The following ADGRL2 variants were observed in gnomAD, a reference collection of about 807,000 sequenced individuals.
ADGRL2 encodes the protein adhesion G protein-coupled receptor L2.
A neutral mutation model predicts 157.4 loss-of-function variants in ADGRL2; 44 were observed. That is an observed-to-expected ratio of 0.28 (90% CI 0.22 to 0.36). ADGRL2 has a LOEUF of 0.36. ADGRL2 is among the 10% of genes least tolerant of loss of function. The pLI, the probability that ADGRL2 is intolerant of heterozygous loss-of-function variation, is 1.00. For synonymous variants in ADGRL2, 585 were observed against 624.7 expected (o/e 0.94, Z 0.95); for missense variants, 1,510 against 1,768.9 (o/e 0.85, Z 2.63).
At chr1:81,379,287 G>A (rs1036167062) in intron 1 of ADGRL2, among the ~76,000 whole-genome samples, 1 of 152,168 alleles carries the variant, frequency 6.6e-6, no homozygotes, top group African/African-American at 2.4e-5. Context: ...GTGGGGCTCC[G>A]ACCCCATGGC....
chr1:81,989,622 T>G, intron 23 of ADGRL2: 1 of 1,595,098 alleles, frequency 6.3e-7, no homozygotes, highest in Non-Finnish European at 8.6e-7. Context: ...TTCATCATGT[T>G]ACAATAAATC....
chr1:81,864,164 T>A (rs2093466631), intron 2 of ADGRL2, among the ~76,000 whole-genome samples: 2 of 152,214 alleles, frequency 1.3e-5, no homozygotes, highest in Admixed American at 6.5e-5. Context: ...CAGTCATAAC[T>A]GTTCTAGTAA....
At chr1:81,482,570 A>G (rs556393319) in intron 2 of ADGRL2, among the ~76,000 whole-genome samples, 2 of 152,328 alleles carry the variant, frequency 1.3e-5, no homozygotes, top group Admixed American at 1.3e-4. Flanking sequence ...ATATCTTGTA[A>G]GAACTCACTG....
At chr1:81,352,031 C>T (rs1662933284) in intron 1 of ADGRL2, among the ~76,000 whole-genome samples, 1 of 152,234 alleles carries the variant, frequency 6.6e-6, no homozygotes. Flanking sequence ...AAGGTTTGTA[C>T]TGCTTCTAAC....
chr1:81,698,548 G>A (rs924347811), upstream of ADGRL2, among the ~76,000 whole-genome samples: 3 of 152,040 alleles, frequency 2.0e-5, no homozygotes, highest in South Asian at 2.1e-4. Context: ...TTTTTGCTTG[G>A]GTAAGATATT....
At chr1:81,793,257 A>C (rs2087434219) in intron 2 of ADGRL2, among the ~76,000 whole-genome samples, 1 of 148,916 alleles carries the variant, frequency 6.7e-6, no homozygotes, top group African/African-American at 2.6e-5. Flanking sequence ...CATCCAAGAA[A>C]CATGCTCTAA....
Position 81,586,384 on chromosome 1 carries a change from G to GA in ADGRL2, c.-143+5414dup, listed in dbSNP as rs927841342. The GA allele has an allele frequency of 3.6e-3, 525 of 147,864 alleles. 3 individuals are homozygous for GA. Among genetic ancestry groups the GA allele is most frequent in the African/African-American group, 0.011 (426 of 40,418 alleles). 9.2% of individuals were successfully genotyped at this position (147,864 alleles called of 1,614,324 possible). ...GCTGAGGCTGAGAATGTGGCTGGAG[G>GA]AAAAAAAAAATGAATATTATTAGGC... is the stretch of plus-strand genomic sequence containing the variant. On this transcript the variant is annotated intron_variant, in intron 3 of 24. Coordinates refer to the ADGRL2 transcript ENST00000370721.
intron 1 of ADGRL2, among the ~76,000 whole-genome samples, chr1:81,818,052 T>C (rs2090595538): frequency 6.6e-6 from 1 of 151,960 alleles, no homozygotes; most frequent in Non-Finnish European, 1.5e-5. Context: ...TGCGTGCCTG[T>C]AGCCCCAGCC....
intron 3 of ADGRL2, among the ~76,000 whole-genome samples, chr1:81,617,383 C>T (rs951704196): frequency 6.6e-6 from 1 of 152,196 alleles, no homozygotes; most frequent in African/African-American, 2.4e-5. Flanking sequence ...TCCATGAAGC[C>T]AGTCCCTGGT....
At chr1:81,809,950 A>G (rs996354841) in intron 1 of ADGRL2, among the ~76,000 whole-genome samples, 1 of 151,818 alleles carries the variant, frequency 6.6e-6, no homozygotes, top group Non-Finnish European at 1.5e-5. Flanking sequence ...TTTTATAGGT[A>G]TTTTTACATC....
intron 2 of ADGRL2, among the ~76,000 whole-genome samples, chr1:81,489,401 G>T (rs2078582257): frequency 6.6e-6 from 1 of 152,036 alleles, no homozygotes; most frequent in Admixed American, 6.5e-5. Context: ...CAGGACAATG[G>T]AAATTATTGA....
chr1:81,812,997 A>G (rs567722301), intron 1 of ADGRL2, among the ~76,000 whole-genome samples: 1 of 151,884 alleles, frequency 6.6e-6, no homozygotes, highest in South Asian at 2.1e-4. Flanking sequence ...TTAGGGAAGT[A>G]CTTGAGAGTT....
At chr1:81,735,859 T>TAAAC (rs2084880299) in intron 1 of ADGRL2, among the ~76,000 whole-genome samples, 1 of 149,394 alleles carries the variant, frequency 6.7e-6, no homozygotes. Context: ...AGAGTCAAAC[T>TAAAC]GACGGCTGGG....
chr1:81,884,178 G>A (rs1401290964), intron 2 of ADGRL2, among the ~76,000 whole-genome samples: 2 of 152,086 alleles, frequency 1.3e-5, no homozygotes, highest in African/African-American at 4.8e-5. Flanking sequence ...TAGAGACGGG[G>A]TTTTGCCACA....
At chr1:81,587,937 G>A (rs1258661172) in intron 3 of ADGRL2, among the ~76,000 whole-genome samples, 1 of 152,132 alleles carries the variant, frequency 6.6e-6, no homozygotes, top group Admixed American at 6.6e-5. Flanking sequence ...AGTGATATGG[G>A]TAGAAAAAAC....
chr1:81,929,293 T>G (rs1167645886), intron 3 of ADGRL2, among the ~76,000 whole-genome samples: 1 of 152,148 alleles, frequency 6.6e-6, no homozygotes, highest in Non-Finnish European at 1.5e-5. Flanking sequence ...AGTGCAAGTT[T>G]CAGGGGAGCT....
At position 81,943,902 on chromosome 1, in the gene ADGRL2, A is replaced by G. The variant is rs914915660; in HGVS notation, c.1210+133A>G. The G allele has an allele frequency of 1.5e-5, 10 of 672,480 alleles. No homozygotes were observed. The highest frequency in any genetic ancestry group is 3.6e-5 in the African/African-American group (2 of 55,102). 41.7% of individuals were successfully genotyped at this position (672,480 alleles called of 1,614,324 possible). On this transcript the variant is annotated intron_variant, in intron 6 of 23. Coordinates refer to ENST00000686636, the MANE Select transcript of ADGRL2 (RefSeq NM_001366006.2). The surrounding 1 kb of genome is among the most constrained non-coding windows in gnomAD (Gnocchi z 5.6). ...AGGACAAAGGACAATGTTGTGGTAC[A>G]TTTTAGCCTTATTATGGTTCGTTTT...
chr1:81,347,229 T>C (rs940657663), intron 1 of ADGRL2, among the ~76,000 whole-genome samples: 8 of 151,892 alleles, frequency 5.3e-5, no homozygotes, highest in Non-Finnish European at 1.0e-4. Context: ...CAAAACGCTG[T>C]CTCTACTAAA....
At position 81,990,660 on chromosome 1, in the gene ADGRL2, G is replaced by A. The variant is rs751411562; in HGVS notation, c.3925G>A (p.Asp1309Asn). The A allele has an allele frequency of 6.2e-7, 1 of 1,614,180 alleles. No individual in the cohort carries two copies. The highest frequency in any genetic ancestry group is 1.7e-5 in the Admixed American group (1 of 60,020). Residue 1309 changes from aspartate (D) to asparagine (N), a missense_variant, in exon 24 of 24, where the codon GAT (aspartate) becomes AAT (asparagine). By Grantham distance (23) the Asp-to-Asn change is conservative. Around this residue, in one of 4 missense-constraint regions of ADGRL2, gnomAD observed 327 missense variants for 310.1 expected, o/e 1.05. Transcript: ENST00000686636. ...PVIGGSSSEDDAIVADASSLM... is the reference protein window; with the variant it reads ...PVIGGSSSEDNAIVADASSLM... Reference sequence around the variant, plus strand: ...GATTGGAGGTAGCAGCAGTGAAGATGATGCTATTGTGGCAGATGCTTCATC... The same window carrying A: ...GATTGGAGGTAGCAGCAGTGAAGATAATGCTATTGTGGCAGATGCTTCATC...
Sources: gnomAD v4.1 joint callset for allele counts (sites outside exome capture counted in the v4.1 genomes callset) on GRCh38, gnomAD v4.1.1 for gene constraint, gnomAD v4.1.1 regional missense constraint, Gnocchi (gnomAD v3.1) non-coding constraint, MANE v1.5 for transcripts, NCBI Gene and HGNC (gene_info 2026-07-23, HGNC 2026-07-21) for gene names.